The following GANAB variants were observed in gnomAD, a reference collection of about 807,000 sequenced individuals.
GANAB encodes neutral alpha-glucosidase AB.
Under a neutral mutation model 129.9 loss-of-function variants are expected in GANAB, and 35 were observed. The observed-to-expected ratio is 0.27, with a 90% confidence interval of 0.21 to 0.36. The LOEUF (loss-of-function observed/expected upper bound fraction) is 0.36, where lower values mean the gene tolerates loss of function less well. Ranked by LOEUF, GANAB falls within the 10% of genes least tolerant of loss-of-function variation. The pLI, the probability that GANAB is intolerant of heterozygous loss-of-function variation, is 1.00. For synonymous variants in GANAB, 482 were observed against 451.8 expected (o/e 1.07, Z -0.85); for missense variants, 939 against 1,221.0 (o/e 0.77, Z 3.44).
intron 4 of GANAB, among the ~76,000 whole-genome samples, chr11:62,637,956 C>T (rs1344333178): frequency 6.6e-6 from 1 of 151,804 alleles, no homozygotes; most frequent in Non-Finnish European, 1.5e-5. Context: ...AAGACACTTC[C>T]TCTGTAAAGC....
Position 62,639,745 on chromosome 11 carries a change from G to C in GANAB, c.39-14C>G. On this transcript the variant is annotated splice_polypyrimidine_tract_variant and intron_variant, in intron 1 of 23. Coordinates refer to ENST00000356638, the MANE Select transcript of GANAB (RefSeq NM_198334.3). ...GACGCCCAAGACCTAAGGAGAAAAG[G>C]ACAAAGACAGAGCAATCAGCATGGA... 6.4e-7 allele frequency: 1 copy of C among 1,571,536 alleles called. No homozygotes were observed. The highest frequency in any genetic ancestry group is 8.8e-7 in the Non-Finnish European group (1 of 1,141,244).
rs958511317 is a variant in GANAB, at chr11:62,635,011, T to C, written c.381-11A>G. 3.1e-6 allele frequency: 5 copies of C among 1,601,548 alleles called. No individual in the cohort carries two copies. Among genetic ancestry groups the C allele is most frequent in the Admixed American group, 1.7e-5 (1 of 59,442 alleles). On this transcript the variant is annotated splice_polypyrimidine_tract_variant and intron_variant, in intron 4 of 23. Coordinates refer to ENST00000356638, the MANE Select transcript of GANAB (RefSeq NM_198334.3). ...CCAGAGACAGAAAGCCTGGGAAACATATCAAAAGAAATATAAGGAAGTACA... is the reference window on the plus strand; with the variant it reads ...CCAGAGACAGAAAGCCTGGGAAACACATCAAAAGAAATATAAGGAAGTACA...
Position 62,634,825 on chromosome 11 carries a change from C to A in GANAB, c.556G>T (p.Val186Phe). ...LEFEHQRAPR[V>F]SQGSKDPAEG... Reference sequence around the variant, plus strand: ...AGTCCCAACCCCTGTACTCACGAGACCCTAGGGGCCCTCTGATGCTCAAAC... The same window carrying A: ...AGTCCCAACCCCTGTACTCACGAGAACCTAGGGGCCCTCTGATGCTCAAAC... The change falls in exon 5 of 24, where the codon GTC becomes TTC. Residue 186 changes from valine (V) to phenylalanine (F), a missense_variant. Coordinates refer to ENST00000356638, the MANE Select transcript of GANAB (RefSeq NM_198334.3). The A allele has an allele frequency of 6.2e-7, 1 of 1,613,134 alleles. No individual in the cohort carries two copies. Among genetic ancestry groups the A allele is most frequent in the Non-Finnish European group, 8.5e-7 (1 of 1,179,194 alleles).
rs946758308 is a variant in GANAB, at chr11:62,646,550, C to T, written c.38+12G>A. The T allele has an allele frequency of 4.3e-6, 7 of 1,613,270 alleles. No individual in the cohort carries two copies. The highest frequency in any genetic ancestry group is 2.7e-5 in the African/African-American group (2 of 74,916). ...GCGTCCCGGGCGCGCCCCCAGATTC[C>T]GGGCTCCTCACCGCCTCCTACGCGC... is the stretch of plus-strand genomic sequence containing the variant. On this transcript the variant is annotated intron_variant, in intron 1 of 23. Transcript: ENST00000356638.
intron 4 of GANAB, among the ~76,000 whole-genome samples, chr11:62,637,762 C>T (rs1341153164): frequency 4.0e-5 from 6 of 150,544 alleles, no homozygotes; most frequent in Admixed American, 4.0e-4. Context: ...CAGCCGGGCG[C>T]GGTGGCTCAC....
chr11:62,634,181 C>A, intron 5 of GANAB: 1 of 676,226 alleles, frequency 1.5e-6, no homozygotes, highest in Non-Finnish European at 2.7e-6. Flanking sequence ...CAGGACCAGA[C>A]ATCACACAGC....
At position 62,633,237 on chromosome 11, in the gene GANAB, T is replaced by C. The variant is rs1943775542; in HGVS notation, c.665A>G (p.Glu222Gly). The C allele has an allele frequency of 6.2e-7, 1 of 1,613,924 alleles. No homozygotes were observed. Among genetic ancestry groups the C allele is most frequent in the South Asian group, 1.1e-5 (1 of 91,088 alleles). ...GAATGTCTCCTCCCAGGCTCCTGGCTCATCTTTCTCTGCCTTCCCCTGAGT... is the reference window on the plus strand; with the variant it reads ...GAATGTCTCCTCCCAGGCTCCTGGCCCATCTTTCTCTGCCTTCCCCTGAGT... ...EETQGKAEKD[E>G]PGAWEETFKT... Residue 222 changes from glutamate (E) to glycine (G), a missense_variant, in exon 7 of 24, where the codon GAG becomes GGG. Transcript: ENST00000356638.
At position 62,639,362 on chromosome 11, in the gene GANAB, G is replaced by A. The variant is rs139252127; in HGVS notation, c.249C>T (p.Thr83=). 470 of 1,594,870 alleles carry A rather than the reference G, an allele frequency of 2.9e-4. 3 individuals are homozygous for A. In the African/African-American group the frequency reaches 5.8e-3, roughly 20 times the overall value. The change falls in exon 3 of 24, where the codon ACC becomes ACT. Residue 83 remains threonine (T), a synonymous_variant. Transcript: ENST00000356638. ...SLTVHLIHEV[T]KVLLVLELQG... is the part of the protein sequence containing the mutation. Reference sequence around the variant, plus strand: ...ACTCTTCCTTGTCTCTCCTGACCTTGGTGACCTCATGGATCAGATGGACCG... The same window carrying A: ...ACTCTTCCTTGTCTCTCCTGACCTTAGTGACCTCATGGATCAGATGGACCG...
At chr11:62,627,161 T>C in intron 18 of GANAB, 37 bp from the exon 19 acceptor site, 1 of 1,563,922 alleles carries the variant, frequency 6.4e-7, no homozygotes, top group Non-Finnish European at 8.8e-7. Flanking sequence ...ATAGGGGGAT[T>C]AGTTCCCAGA....
intron 17 of GANAB, 78 bp downstream of exon 17, chr11:62,628,691 A>T (rs1457089266): frequency 2.1e-6 from 3 of 1,447,596 alleles, no homozygotes; most frequent in African/African-American, 2.8e-5. Context: ...GTGAAGAAAG[A>T]GACCCAGAGA....
chr11:62,626,962 C>A (rs530752893), intron 19 of GANAB, 28 bp from the exon 20 acceptor site: 1 of 1,590,970 alleles, frequency 6.3e-7, no homozygotes, highest in South Asian at 1.1e-5. Flanking sequence ...GGTAAGATAC[C>A]GGATCACTCA....
intron 1 of GANAB, among the ~76,000 whole-genome samples, chr11:62,641,114 C>T (rs568979162): frequency 1.3e-5 from 2 of 151,858 alleles, no homozygotes; most frequent in Non-Finnish European, 2.9e-5. Context: ...GAGGCTGAGG[C>T]GGGTGGATCA....
Position 62,625,791 on chromosome 11 carries a change from C to T in GANAB, c.*24G>A, listed in dbSNP as rs1943343025. On this transcript the variant is annotated 3_prime_UTR_variant, in exon 24 of 24. Transcript: ENST00000356638. Reference sequence around the variant, plus strand: ...CAGCACTAATGCTCCCCTTCCCTCCCCCTAACCCAGAACATCCCTTGGGTT... The same window carrying T: ...CAGCACTAATGCTCCCCTTCCCTCCTCCTAACCCAGAACATCCCTTGGGTT... 6.3e-6 allele frequency: 9 copies of T among 1,422,238 alleles called. No homozygotes were observed. In the African/African-American group the frequency reaches 9.8e-5, roughly 16 times the overall value. 88.1% of individuals were successfully genotyped at this position (1,422,238 alleles called of 1,614,324 possible).
chr11:62,631,210 G>A (rs1468869995), intron 9 of GANAB, 27 bp from the exon 10 acceptor site: 14 of 1,521,538 alleles, frequency 9.2e-6, no homozygotes, highest in East Asian at 2.3e-5. Context: ...AAAGGGGTCA[G>A]ACACCTCCTG....
chr11:62,646,181 G>C (rs1482060071), intron 1 of GANAB, among the ~76,000 whole-genome samples: 1 of 152,234 alleles, frequency 6.6e-6, no homozygotes, highest in Non-Finnish European at 1.5e-5. Context: ...CGGGGCCGCA[G>C]GCTGCATTCC....
chr11:62,626,959 T>C lies in GANAB; in HGVS notation c.2323-25A>G, dbSNP rs940802827. On this transcript the variant is annotated intron_variant, in intron 19 of 23. Transcript: ENST00000356638. ...CCTGTGAGTGACAAAAGAGGTAAGA[T>C]ACCGGATCACTCAGTGCACAGGGGT... is the stretch of plus-strand genomic sequence containing the variant. The C allele has an allele frequency of 5.6e-6, 9 of 1,596,986 alleles. No individual in the cohort carries two copies. In the African/African-American group the frequency reaches 9.4e-5, roughly 17 times the overall value.
In GANAB at chr11:62,639,730, A is replaced by G. The variant is rs762092056; in HGVS notation, c.40T>C (p.Ser14Pro). Reference protein sequence around the residue: ...VAAVAARRRRSWASLVLAFLG... With the variant: ...VAAVAARRRRPWASLVLAFLG... ...AAAGCCAGTACCAAAGACGCCCAAGACCTAAGGAGAAAAGGACAAAGACAG... is the reference window on the plus strand; with the variant it reads ...AAAGCCAGTACCAAAGACGCCCAAGGCCTAAGGAGAAAAGGACAAAGACAG... The change falls in exon 2 of 24, where the codon TCT (serine) becomes CCT (proline). Residue 14 changes from serine to proline, a missense_variant and splice_region_variant. Ser to Pro is a moderately conservative substitution (Grantham distance 74). Transcript: ENST00000356638. 11 of 1,609,034 alleles carry G rather than the reference A, an allele frequency of 6.8e-6. No homozygotes were observed. The highest frequency in any genetic ancestry group is 1.3e-5 in the African/African-American group (1 of 74,776).
At position 62,626,863 on chromosome 11, in the gene GANAB, G is replaced by A. The variant is rs747580635; in HGVS notation, c.2394C>T (p.Ser798=). The change falls in exon 20 of 24, where the codon AGC becomes AGT. Residue 798 remains serine, a synonymous_variant. Transcript: ENST00000356638. The part of the protein sequence containing the change: ...PQTLYLPVTL[S]SIPVFQRGGT... ...CAGCCAGACCAGGCTTACTCACACTGCTTAGAGTTACAGGCAGGTACAGGG... is the reference window on the plus strand; with the variant it reads ...CAGCCAGACCAGGCTTACTCACACTACTTAGAGTTACAGGCAGGTACAGGG... 2.7e-5 allele frequency: 44 copies of A among 1,606,628 alleles called. No individual in the cohort carries two copies. In the South Asian group the frequency reaches 4.6e-4, roughly 17 times the overall value.
At chr11:62,637,682 A>G (rs1485836063) in intron 4 of GANAB, among the ~76,000 whole-genome samples, 1 of 152,214 alleles carries the variant, frequency 6.6e-6, no homozygotes. Flanking sequence ...AATAATATGC[A>G]GCAGTAAAAA....
Sources: gnomAD v4.1 joint callset for allele counts (sites outside exome capture counted in the v4.1 genomes callset) on GRCh38, gnomAD v4.1.1 for gene constraint, MANE v1.5 for transcripts, NCBI Gene and HGNC (gene_info 2026-07-23, HGNC 2026-07-21) for gene names.